ABCB4: variants seen among roughly 807,000 people sequenced by gnomAD.
The protein encoded by ABCB4 is ATP binding cassette subfamily B member 4.
In ABCB4, 76 loss-of-function variants were observed where a neutral mutation model predicts 145.7. The observed-to-expected ratio is 0.52, with a 90% CI of 0.43 to 0.63. ABCB4 has a LOEUF of 0.63. ABCB4 is among the 30% of genes least tolerant of loss of function. ABCB4 has a pLI of 0.00. For missense variants in ABCB4, 1,234 were observed against 1,553.1 expected (o/e 0.79, Z 3.45); for synonymous variants, 517 against 566.8 (o/e 0.91, Z 1.25).
At chr7:87,475,739 C>CCCG, upstream of ABCB4, 1 of 373,716 alleles carries the variant, frequency 2.7e-6, no homozygotes, top group South Asian at 4.6e-5. Context: ...CGCCCCCGCC[C>CCCG]CCCACGCGCG....
At chr7:87,412,161 G>T in intron 22 of ABCB4, 128 bp from the exon 23 acceptor site, 1 of 931,346 alleles carries the variant, frequency 1.1e-6, no homozygotes, top group Non-Finnish European at 1.7e-6. Context: ...ATTAGTTTGG[G>T]TAAATGATAA....
rs1484480166 is a variant in ABCB4, at chr7:87,402,291, T to C, written c.3645A>G (p.Glu1215=). The C allele has an allele frequency of 6.2e-7, 1 of 1,614,030 alleles. No individual in the cohort carries two copies. Among genetic ancestry groups the C allele is most frequent in the African/African-American group, 1.3e-5 (1 of 75,058 alleles). Reference sequence around the variant, plus strand: ...GGCCTTCTCTGGCTTTGTCCAGGGCTTCTTGGACAACCTATTGATAAATCA... The same window carrying C: ...GGCCTTCTCTGGCTTTGTCCAGGGCCTCTTGGACAACCTATTGATAAATCA... The part of the protein sequence containing the change: ...LDTESEKVVQ[E]ALDKAREGRT... Residue 1215 remains glutamate, a synonymous_variant, in exon 28 of 28, where the codon GAA becomes GAG. Transcript: ENST00000649586.
chr7:87,375,918 A>G, the ABCB4 span: 12 of 1,613,112 alleles, frequency 7.4e-6, no homozygotes, highest in Non-Finnish European at 9.3e-6. Context: ...CATGGAGGAT[A>G]GCAGTCCACA....
intron 23 of ABCB4, among the ~76,000 whole-genome samples, chr7:87,411,029 C>A (rs1487279657): frequency 6.6e-6 from 1 of 152,146 alleles, no homozygotes; most frequent in Non-Finnish European, 1.5e-5. Context: ...TACCTTAACA[C>A]TTTCCAGGCC....
At chr7:87,453,944 TA>T (rs45571644) in intron 5 of ABCB4, among the ~76,000 whole-genome samples, 65,504 of 152,066 alleles carry the variant, frequency 0.43, 16,701 homozygotes, top group Non-Finnish European at 0.55. Flanking sequence ...TGAAATATTT[TA>T]AAAAAAGATA....
intron 19 of ABCB4, 114 bp downstream of exon 19, chr7:87,419,884 C>T (rs1314481181): frequency 1.7e-5 from 19 of 1,121,826 alleles, no homozygotes; most frequent in East Asian, 9.4e-5. Context: ...CCCATCCTTG[C>T]GTGAATACCC....
At chr7:87,376,557 T>G in the ABCB4 span, among the ~76,000 whole-genome samples, 3 of 152,014 alleles carry the variant, frequency 2.0e-5, no homozygotes, top group African/African-American at 7.2e-5. Context: ...TACTTAATTA[T>G]TTTATAGTGA....
intron 2 of ABCB4, among the ~76,000 whole-genome samples, chr7:87,474,481 C>T (rs930135883): frequency 6.6e-6 from 1 of 152,182 alleles, no homozygotes; most frequent in Admixed American, 6.5e-5. Flanking sequence ...ATCAGGTAGG[C>T]ATGTTTTCAG....
intron 14 of ABCB4, among the ~76,000 whole-genome samples, chr7:87,436,324 A>G (rs1291086730): frequency 6.8e-6 from 1 of 147,548 alleles, no homozygotes; most frequent in African/African-American, 2.5e-5. Context: ...TTCAGCTACA[A>G]AAAAAAAAAA....
the ABCB4 span, chr7:87,369,523 G>C: frequency 2.9e-6 from 4 of 1,377,922 alleles, no homozygotes; most frequent in Non-Finnish European, 4.1e-6. Flanking sequence ...TAGGTCTTAT[G>C]GTGTTGCTTG....
intron 23 of ABCB4, among the ~76,000 whole-genome samples, chr7:87,409,677 T>A (rs1584679770): frequency 6.6e-6 from 1 of 152,216 alleles, no homozygotes; most frequent in South Asian, 2.1e-4. Context: ...AGGTTTTTAC[T>A]TTCAAGAAGA....
chr7:87,437,850 A>T (rs1276331083), intron 14 of ABCB4, among the ~76,000 whole-genome samples: 1 of 152,218 alleles, frequency 6.6e-6, no homozygotes, highest in African/African-American at 2.4e-5. Context: ...TTAAAAAATT[A>T]TGAGTAGTTC....
intron 16 of ABCB4, among the ~76,000 whole-genome samples, chr7:87,424,380 T>A (rs531156490): frequency 1.3e-5 from 2 of 152,304 alleles, no homozygotes; most frequent in South Asian, 4.1e-4. Context: ...TACACAACAC[T>A]GTATTGGTGT....
At chr7:87,376,043 A>G in the ABCB4 span, 5 of 1,275,686 alleles carry the variant, frequency 3.9e-6, no homozygotes, top group African/African-American at 7.6e-5. Context: ...TTCTTTTTCT[A>G]CCTTTAGGCT....
intron 8 of ABCB4, among the ~76,000 whole-genome samples, chr7:87,447,808 G>T (rs1168172978): frequency 1.3e-5 from 2 of 152,148 alleles, no homozygotes; most frequent in African/African-American, 4.8e-5. Context: ...TGGAATATGA[G>T]TTCTTATTCA....
chr7:87,445,234 C>T (rs1194515003), intron 9 of ABCB4, among the ~76,000 whole-genome samples: 2 of 152,124 alleles, frequency 1.3e-5, no homozygotes, highest in African/African-American at 2.4e-5. Context: ...CATTGACTCA[C>T]TCACAAATGC....
chr7:87,423,800 T>C (rs1486217138), intron 17 of ABCB4, 106 bp downstream of exon 17: 1 of 1,458,576 alleles, frequency 6.9e-7, no homozygotes, highest in African/African-American at 1.4e-5. Context: ...CTTAGTTTAA[T>C]TTAAGGCTGC....
chr7:87,448,413 C>T lies in ABCB4; in HGVS notation c.834-1208G>A, dbSNP rs546914325. 2.0e-5 allele frequency among the ~76,000 whole-genome samples: 3 copies of T among 152,298 alleles called. No individual in the cohort carries two copies. In the South Asian group the frequency reaches 6.2e-4, roughly 32 times the overall value. On this transcript the variant is annotated intron_variant, in intron 8 of 27. Coordinates refer to ENST00000649586, the MANE Select transcript of ABCB4 (RefSeq NM_000443.4). ...TTTGTCTTTTTTATTGCGTAAAGCA[C>T]CCAGGTCTTCAGGGTGCTTTCCTCT...
At chr7:87,398,429 G>A (rs766117136), downstream of ABCB4, 11 of 1,419,798 alleles carry the variant, frequency 7.7e-6, no homozygotes, top group South Asian at 2.3e-5. Flanking sequence ...CACATTTCAT[G>A]TATGAATATC....
Sources: gnomAD v4.1 joint callset for allele counts (sites outside exome capture counted in the v4.1 genomes callset) on GRCh38, gnomAD v4.1.1 for gene constraint, MANE v1.5 for transcripts, NCBI Gene and HGNC (gene_info 2026-07-23, HGNC 2026-07-21) for gene names.